Variants in ATAD2 observed in about 807,000 individuals in gnomAD.
ATAD2 encodes ATPase family AAA domain containing 2, also known as ATPase family AAA domain-containing protein 2.
A neutral mutation model predicts 168.9 loss-of-function variants in ATAD2; 62 were observed. The observed-to-expected ratio is 0.37, with a 90% CI of 0.30 to 0.45. The LOEUF (loss-of-function observed/expected upper bound fraction) is 0.45. Ranked by LOEUF, ATAD2 falls within the 20% of genes least tolerant of loss-of-function variation. The probability of loss-of-function intolerance (pLI) is 1.00; values close to 1 mark genes in which losing one functional copy is unlikely to be tolerated. For missense variants in ATAD2, 1,419 were observed against 1,667.8 expected (o/e 0.85, Z 2.60); for synonymous variants, 613 against 571.6 (o/e 1.07, Z -1.03).
At chr8:123,385,583 G>A (rs1829623802) in intron 1 of ATAD2, among the ~76,000 whole-genome samples, 1 of 152,144 alleles carries the variant, frequency 6.6e-6, no homozygotes, top group East Asian at 1.9e-4. Flanking sequence ...GGAGAAAACA[G>A]CATTGGATTT....
intron 13 of ATAD2, among the ~76,000 whole-genome samples, chr8:123,355,325 T>C (rs2131352338): frequency 6.6e-6 from 1 of 152,342 alleles, no homozygotes; most frequent in Non-Finnish European, 1.5e-5. Context: ...CTAGCATATA[T>C]GAAAGTATGC....
chr8:123,401,339 ACAAATACCGCCTGGACCTGCT>A (rs1812996244), upstream of ATAD2: 1 of 1,398,134 alleles, frequency 7.2e-7, no homozygotes, highest in African/African-American at 1.4e-5. Context: ...TGTGAGGATG[ACAAATACCGCCTGGACCTGCT>A]CACCCAGGCG....
At chr8:123,400,617 C>T (rs760113436), upstream of ATAD2, 18 of 620,250 alleles carry the variant, frequency 2.9e-5, no homozygotes, top group Non-Finnish European at 4.2e-5. The surrounding 1 kb of genome is among the most constrained non-coding windows in gnomAD (Gnocchi z 4.5). Context: ...GCTGCGTGCC[C>T]GAGGACGGGC....
intron 13 of ATAD2, chr8:123,352,699 AATAAG>A (rs559953108): frequency 6.6e-6 from 1 of 150,708 alleles, no homozygotes; most frequent in South Asian, 2.1e-4. Context: ...TTTTTTTACA[AATAAG>A]ATGTTTTCTT....
At chr8:123,384,475 G>C (rs1463234900) in intron 1 of ATAD2, among the ~76,000 whole-genome samples, 4 of 152,180 alleles carry the variant, frequency 2.6e-5, no homozygotes, top group African/African-American at 4.8e-5. Context: ...GACAAGGCAA[G>C]AATTTTCCCT....
At chr8:123,375,773 C>G (rs1391302090) in intron 2 of ATAD2, among the ~76,000 whole-genome samples, 1 of 152,114 alleles carries the variant, frequency 6.6e-6, no homozygotes, top group Non-Finnish European at 1.5e-5. Context: ...GAGTTCAAGA[C>G]CAGCCTGGCC....
intron 12 of ATAD2, among the ~76,000 whole-genome samples, chr8:123,356,952 A>C (rs1237207122): frequency 6.6e-6 from 1 of 152,202 alleles, no homozygotes; most frequent in Non-Finnish European, 1.5e-5. Context: ...TCACATAGCT[A>C]TCGTTCCTGG....
chr8:123,348,097 A>T, intron 15 of ATAD2, 86 bp downstream of exon 15: 1 of 1,133,966 alleles, frequency 8.8e-7, no homozygotes, highest in South Asian at 1.4e-5. Flanking sequence ...CAAAAACCAC[A>T]ATTACTTTTG....
chr8:123,346,399 T>C, intron 17 of ATAD2, 127 bp from the exon 18 acceptor site: 1 of 1,026,554 alleles, frequency 9.7e-7, no homozygotes, highest in Non-Finnish European at 1.4e-6. Flanking sequence ...CATAACATGG[T>C]TCACATAGTT....
intron 24 of ATAD2, among the ~76,000 whole-genome samples, chr8:123,330,449 C>G (rs1399078644): frequency 3.9e-5 from 6 of 152,178 alleles, no homozygotes; most frequent in Non-Finnish European, 8.8e-5. Flanking sequence ...ACTGCAAGCT[C>G]CGCCTCCTGG....
intron 2 of ATAD2, among the ~76,000 whole-genome samples, chr8:123,378,057 T>C (rs897389469): frequency 6.6e-6 from 1 of 152,218 alleles, no homozygotes; most frequent in African/African-American, 2.4e-5. Flanking sequence ...GAATAAACCT[T>C]AAGACTTCAA....
At chr8:123,326,593 G>A (rs1052988754) in intron 25 of ATAD2, among the ~76,000 whole-genome samples, 3 of 152,028 alleles carry the variant, frequency 2.0e-5, no homozygotes, top group Non-Finnish European at 4.4e-5. Context: ...TTTGAGGATC[G>A]TTTGAGCCGA....
At chr8:123,353,282 T>G (rs1309916630) in intron 13 of ATAD2, among the ~76,000 whole-genome samples, 5 of 151,914 alleles carry the variant, frequency 3.3e-5, no homozygotes, top group Middle Eastern at 3.2e-3. Context: ...GAGAATAGCT[T>G]GAACCTGGGA....
chr8:123,370,950 A>G lies in ATAD2; in HGVS notation c.680T>C (p.Ile227Thr), dbSNP rs754800477. The change falls in exon 6 of 28, where the codon ATT becomes ACT. Residue 227 changes from isoleucine to threonine, a missense_variant. Physicochemically the swap from Ile to Thr is moderately conservative, Grantham distance 89 (BLOSUM62 -1). Transcript: ENST00000287394. ...AGTTGTTTCTTCATCAGTTCTTTGA[A>G]TATCTTTCTGTTTTCCTCTTGTGTA... ...NMYTRGKQKD[I>T]QRTDEETTDN... The G allele has an allele frequency of 1.5e-5, 24 of 1,607,848 alleles. No individual in the cohort carries two copies. The highest frequency in any genetic ancestry group is 1.9e-5 in the Non-Finnish European group (22 of 1,176,538).
intron 19 of ATAD2, chr8:123,344,667 G>GA (rs58478606): frequency 3.9e-6 from 2 of 519,052 alleles, no homozygotes; most frequent in Admixed American, 3.3e-5. Flanking sequence ...TTTTTCAAGA[G>GA]AAAAAATTTA....
At chr8:123,379,167 G>A (rs1232230204) in intron 2 of ATAD2, among the ~76,000 whole-genome samples, 1 of 151,982 alleles carries the variant, frequency 6.6e-6, no homozygotes, top group African/African-American at 2.4e-5. Flanking sequence ...AGATATTCCA[G>A]TTCCATGAAT....
At position 123,339,378 on chromosome 8, in the gene ATAD2, C is replaced by T. The variant is rs1165480087; in HGVS notation, c.2787G>A (p.Arg929=). ...FNVQLPDKEE[R]TKFFEDLILK... is the part of the protein sequence containing the mutation. ...GAATTAAATCTTCAAAAAATTTTGT[C>T]CGTTCTTCTTTATCCGGTAACTGGA... Residue 929 remains arginine (R), a synonymous_variant, in exon 20 of 28, where the codon CGG becomes CGA. Transcript: ENST00000287394. 3 of 1,602,030 alleles carry T rather than the reference C, an allele frequency of 1.9e-6. No individual in the cohort carries two copies. Among genetic ancestry groups the T allele is most frequent in the Non-Finnish European group, 2.6e-6 (3 of 1,173,132 alleles).
Position 123,328,527 on chromosome 8 carries a change from T to C in ATAD2, c.3531A>G (p.Ile1177Met). 1.3e-6 allele frequency: 2 copies of C among 1,593,984 alleles called. No homozygotes were observed. The highest frequency in any genetic ancestry group is 1.7e-6 in the Non-Finnish European group (2 of 1,172,962). Reference sequence around the variant, plus strand: ...CCTGTGAAATCTTCCTTCGCTTTTTTATGGTGCCTAAGTACCAGTTTGACT... The same window carrying C: ...CCTGTGAAATCTTCCTTCGCTTTTTCATGGTGCCTAAGTACCAGTTTGACT... ...RKKSNWYLGT[I>M]KKRRKISQAK... is the part of the protein sequence containing the mutation. Residue 1177 changes from isoleucine (I) to methionine (M), a missense_variant, in exon 25 of 28, where the codon ATA (isoleucine) becomes ATG (methionine). By Grantham distance (10) the Ile-to-Met change is conservative. Around this residue, in one of 5 missense-constraint regions of ATAD2, gnomAD observed 303 missense variants for 304.3 expected, o/e 1.00. Transcript: ENST00000287394.
At chr8:123,365,745 T>C (rs1828957585) in intron 8 of ATAD2, among the ~76,000 whole-genome samples, 1 of 152,154 alleles carries the variant, frequency 6.6e-6, no homozygotes, top group African/African-American at 2.4e-5. Flanking sequence ...GTTCCTCATC[T>C]CTCACCTGAT....
Sources: allele counts gnomAD v4.1 joint callset (sites outside exome capture counted in the v4.1 genomes callset), GRCh38; gene constraint gnomAD v4.1.1; regional missense constraint gnomAD v4.1.1; non-coding constraint Gnocchi (gnomAD v3.1); transcripts MANE v1.5; gene names NCBI Gene and HGNC (gene_info 2026-07-23, HGNC 2026-07-21).